The following GCNT1 variants were observed in gnomAD, a reference collection of about 807,000 sequenced individuals.
The protein encoded by GCNT1 is glucosaminyl (N-acetyl) transferase 1, also known as beta-1,3-galactosyl-O-glycosyl-glycoprotein beta-1,6-N-acetylglucosaminyltransferase.
A neutral mutation model predicts 26.2 loss-of-function variants in GCNT1; 16 were observed. The ratio of observed to expected loss-of-function variants is 0.61; its 90% CI spans 0.41 to 0.93. The LOEUF (loss-of-function observed/expected upper bound fraction) is 0.93, where lower values mean the gene tolerates loss of function less well. Among genes scored for constraint, GCNT1 ranks in the 40% least tolerant of loss-of-function variants. GCNT1 has a pLI of 0.00. For missense variants in GCNT1, 477 were observed against 526.7 expected, an observed-to-expected ratio of 0.91 and a Z score of 0.92; for synonymous variants, 183 against 190.8, an observed-to-expected ratio of 0.96 and a Z score of 0.34.
chr9:76,416,473 CT>C (rs1308833940), upstream of GCNT1, among the ~76,000 whole-genome samples: 1 of 152,228 alleles, frequency 6.6e-6, no homozygotes, highest in African/African-American at 2.4e-5. Flanking sequence ...TGAATGGCAA[CT>C]GCTAAAAGAG....
At chr9:76,442,342 T>C (rs997709788) in intron 1 of GCNT1, 1 of 152,240 alleles carries the variant, frequency 6.6e-6, no homozygotes, top group African/African-American at 2.4e-5. Flanking sequence ...GTGTTGCTTA[T>C]AGCCATGCTG....
chr9:76,403,036 T>A, the GCNT1 span, among the ~76,000 whole-genome samples: 1 of 152,192 alleles, frequency 6.6e-6, no homozygotes. Context: ...GTAGTACTAA[T>A]AAACAATTCT....
intron 2 of GCNT1, among the ~76,000 whole-genome samples, chr9:76,488,189 A>G (rs1824633605): frequency 6.6e-6 from 1 of 152,206 alleles, no homozygotes; most frequent in Non-Finnish European, 1.5e-5. Flanking sequence ...TGATTAATGA[A>G]TACATCTTGG....
chr9:76,487,203 C>G (rs573414327), intron 2 of GCNT1, among the ~76,000 whole-genome samples: 42 of 152,288 alleles, frequency 2.8e-4, no homozygotes, highest in African/African-American at 9.9e-4. Context: ...AAGGCCTTCG[C>G]CTTGTGATCT....
chr9:76,421,537 G>A (rs1466897559), intron 1 of GCNT1, among the ~76,000 whole-genome samples: 1 of 147,316 alleles, frequency 6.8e-6, no homozygotes, highest in Non-Finnish European at 1.5e-5. Flanking sequence ...CCAGGAGGGA[G>A]GCTGAGTGAG....
At chr9:76,415,469 C>G (rs1823124851), upstream of GCNT1, among the ~76,000 whole-genome samples, 1 of 152,142 alleles carries the variant, frequency 6.6e-6, no homozygotes, top group Non-Finnish European at 1.5e-5. Flanking sequence ...TGTCAGAGTC[C>G]TATGCATACA....
At chr9:76,428,968 G>A (rs1402470303) in intron 1 of GCNT1, among the ~76,000 whole-genome samples, 2 of 151,998 alleles carry the variant, frequency 1.3e-5, no homozygotes, top group East Asian at 3.9e-4. Flanking sequence ...CCAAAGTGTT[G>A]GGATTACAGG....
At chr9:76,422,198 A>G (rs907893917) in intron 1 of GCNT1, among the ~76,000 whole-genome samples, 1 of 152,130 alleles carries the variant, frequency 6.6e-6, no homozygotes, top group Admixed American at 6.5e-5. Flanking sequence ...CCCTCTCACG[A>G]CACATGGAGA....
chr9:76,399,061 T>G, the GCNT1 span: 8 of 1,596,502 alleles, frequency 5.0e-6, no homozygotes, highest in Non-Finnish European at 6.8e-6. Context: ...AGCCATGGCT[T>G]CTTGTGGTTA....
intron 1 of GCNT1, among the ~76,000 whole-genome samples, chr9:76,431,208 AT>A (rs1208694246): frequency 2.0e-5 from 3 of 152,188 alleles, no homozygotes; most frequent in African/African-American, 7.2e-5. Flanking sequence ...GTGCACTGAA[AT>A]TTAGTTCTGA....
chr9:76,486,521 G>T (rs1294942254), intron 2 of GCNT1, among the ~76,000 whole-genome samples: 1 of 152,194 alleles, frequency 6.6e-6, no homozygotes, highest in East Asian at 1.9e-4. Flanking sequence ...GCTGTAAATT[G>T]CACGGTCTCA....
At chr9:76,425,137 T>TTA (rs1491106906) in intron 1 of GCNT1, among the ~76,000 whole-genome samples, 4 of 73,034 alleles carry the variant, frequency 5.5e-5, no homozygotes, top group African/African-American at 2.3e-4. Flanking sequence ...AAACTCCGTC[T>TTA]AAAAAAAAAA....
intron 1 of GCNT1, among the ~76,000 whole-genome samples, chr9:76,449,521 GA>G (rs759022259): frequency 1.2e-4 from 18 of 152,072 alleles, no homozygotes; most frequent in Non-Finnish European, 1.9e-4. Flanking sequence ...TCCCATACCA[GA>G]ATAAGGTGAA....
chr9:76,502,465 C>G lies in GCNT1; in HGVS notation c.84C>G (p.Thr28=). ...YFMVLVLSLI[T]FSVLRIHQKP... ...TGGTTCTTGTTTTATCCCTAATCAC[C>G]TTCTCCGTTTTAAGGATTCATCAAA... is the stretch of plus-strand genomic sequence containing the variant. The change falls in exon 4 of 4, where the codon ACC becomes ACG. Residue 28 remains threonine, a synonymous_variant. Transcript: ENST00000376730. 1 of 1,613,554 alleles carries G rather than the reference C, an allele frequency of 6.2e-7. No homozygotes were observed. The highest frequency in any genetic ancestry group is 8.5e-7 in the Non-Finnish European group (1 of 1,179,498).
intron 2 of GCNT1, among the ~76,000 whole-genome samples, chr9:76,487,428 C>T (rs1564242420): frequency 6.6e-6 from 1 of 152,244 alleles, no homozygotes; most frequent in Non-Finnish European, 1.5e-5. Flanking sequence ...GCCAACTGAA[C>T]TTAGACCATG....
chr9:76,423,057 A>G (rs1427311605), intron 1 of GCNT1, among the ~76,000 whole-genome samples: 1 of 152,198 alleles, frequency 6.6e-6, no homozygotes, highest in Admixed American at 6.6e-5. Context: ...GACTTAAGGT[A>G]TTTTCAATTT....
At chr9:76,468,830 G>T (rs1239340214) in intron 2 of GCNT1, among the ~76,000 whole-genome samples, 1 of 152,114 alleles carries the variant, frequency 6.6e-6, no homozygotes, top group African/African-American at 2.4e-5. Context: ...GCTACCAAGG[G>T]GCATTTGGGA....
In GCNT1 at chr9:76,447,050, G is replaced by A. The variant is rs541814226; in HGVS notation, c.-290+4735G>A. On this transcript the variant is annotated intron_variant, in intron 1 of 2. Transcript: ENST00000442371. ...TCCACCTGTAATCCCAGCTACTTGG[G>A]AGGCTGAGGTAGGAGGATTGTCTGA... 2.7e-5 allele frequency among the ~76,000 whole-genome samples: 4 copies of A among 150,722 alleles called. No homozygotes were observed. The South Asian group carries it at 8.4e-4, about 32-fold the overall frequency.
intron 2 of GCNT1, among the ~76,000 whole-genome samples, chr9:76,466,497 C>T (rs1340383777): frequency 6.6e-6 from 1 of 152,158 alleles, no homozygotes; most frequent in Non-Finnish European, 1.5e-5. Flanking sequence ...ACGGGTCTCA[C>T]CATCTGTGTT....
Sources: allele counts gnomAD v4.1 joint callset (sites outside exome capture counted in the v4.1 genomes callset), GRCh38; gene constraint gnomAD v4.1.1; transcripts MANE v1.5; gene names NCBI Gene and HGNC (gene_info 2026-07-23, HGNC 2026-07-21).